Variants in GRM7 observed in about 807,000 individuals in gnomAD.
GRM7 encodes glutamate metabotropic receptor 7.
GRM7 carries 35 observed loss-of-function variants against 84.5 expected under a neutral mutation model. The observed-to-expected ratio is 0.41, with a 90% CI of 0.32 to 0.55. GRM7 has a LOEUF of 0.55. GRM7 is among the 20% of genes least tolerant of loss of function. The probability of loss-of-function intolerance (pLI) is 0.19; values close to 1 mark genes in which losing one functional copy is unlikely to be tolerated. For missense variants in GRM7, 1,003 were observed against 1,194.6 expected, an observed-to-expected ratio of 0.84 and a Z score of 2.36; for synonymous variants, 487 against 455.1, an observed-to-expected ratio of 1.07 and a Z score of -0.89.
At chr3:7,354,879 G>T (rs186805584) in intron 4 of GRM7, among the ~76,000 whole-genome samples, 1 of 152,284 alleles carries the variant, frequency 6.6e-6, no homozygotes, top group East Asian at 1.9e-4. Context: ...AACTGGCAAG[G>T]CCAGCAATAT....
At chr3:7,162,425 A>G (rs964982063) in intron 2 of GRM7, among the ~76,000 whole-genome samples, 2 of 152,138 alleles carry the variant, frequency 1.3e-5, no homozygotes, top group African/African-American at 4.8e-5. Context: ...TTAAAGAAGC[A>G]ATGAAGATGA....
At chr3:6,998,814 G>A (rs1694914536) in intron 1 of GRM7, among the ~76,000 whole-genome samples, 1 of 152,224 alleles carries the variant, frequency 6.6e-6, no homozygotes, top group South Asian at 2.1e-4. Flanking sequence ...CAGCTGGGAT[G>A]CAGGGCACCA....
intron 2 of GRM7, among the ~76,000 whole-genome samples, chr3:7,246,951 C>T (rs985710277): frequency 3.3e-5 from 5 of 152,016 alleles, no homozygotes; most frequent in African/African-American, 7.2e-5. Context: ...AGTATTACAT[C>T]GGCATAACGA....
At chr3:7,156,463 C>T (rs151075715) in intron 2 of GRM7, among the ~76,000 whole-genome samples, 5 of 152,242 alleles carry the variant, frequency 3.3e-5, no homozygotes, top group East Asian at 3.9e-4. Flanking sequence ...GGGTGGCAAC[C>T]GGATCAGTAA....
At chr3:7,172,538 G>C (rs1198011623) in intron 2 of GRM7, among the ~76,000 whole-genome samples, 1 of 145,840 alleles carries the variant, frequency 6.9e-6, no homozygotes, top group African/African-American at 2.7e-5. Flanking sequence ...ACCATATGTA[G>C]TCTTCCCCCC....
In GRM7 at chr3:7,224,115, G is replaced by A. The variant is rs549785201; in HGVS notation, c.737-74569G>A. 6.6e-5 allele frequency among the ~76,000 whole-genome samples: 10 copies of A among 152,218 alleles called. No homozygotes were observed. The East Asian group carries it at 1.7e-3, about 26-fold the overall frequency. ...TCTTATAAAGAAATACATGACATCTGGCTATTTAAAAAGAAAAAAGGTTTA... is the reference window on the plus strand; with the variant it reads ...TCTTATAAAGAAATACATGACATCTAGCTATTTAAAAAGAAAAAAGGTTTA... On this transcript the variant is annotated intron_variant, in intron 2 of 9. Transcript: ENST00000357716.
chr3:7,738,732 T>C, intron 9 of GRM7, among the ~76,000 whole-genome samples: 1 of 148,668 alleles, frequency 6.7e-6, no homozygotes, highest in African/African-American at 2.5e-5. Context: ...TCTTTTTTTT[T>C]TTTTTTCCCC....
At chr3:7,451,738 C>T (rs1697777536) in intron 5 of GRM7, 1 of 152,146 alleles carries the variant, frequency 6.6e-6, no homozygotes, top group Non-Finnish European at 1.5e-5. Context: ...ACATAAAAAT[C>T]CCACATCCAC....
chr3:7,485,329 C>T (rs1297302351), intron 7 of GRM7, among the ~76,000 whole-genome samples: 2 of 152,126 alleles, frequency 1.3e-5, no homozygotes, highest in East Asian at 3.9e-4. Context: ...AGAATTAGAG[C>T]TTATCAGTGA....
chr3:7,073,599 A>G (rs1383000634), intron 1 of GRM7, among the ~76,000 whole-genome samples: 1 of 146,506 alleles, frequency 6.8e-6, no homozygotes. Flanking sequence ...TATTTTAGAA[A>G]AAGAAACACT....
chr3:7,307,490 G>T (rs1041764704), intron 4 of GRM7, among the ~76,000 whole-genome samples: 6 of 152,088 alleles, frequency 3.9e-5, no homozygotes, highest in African/African-American at 7.2e-5. Flanking sequence ...TCAAATATTT[G>T]CATTTTCTAT....
chr3:7,048,309 A>T (rs2124950800), intron 1 of GRM7, among the ~76,000 whole-genome samples: 1 of 152,016 alleles, frequency 6.6e-6, no homozygotes, highest in East Asian at 1.9e-4. Flanking sequence ...AAATATTTAG[A>T]TTTTTTATTT....
chr3:7,513,529 T>G (rs754741286), intron 7 of GRM7, among the ~76,000 whole-genome samples: 1 of 152,128 alleles, frequency 6.6e-6, no homozygotes, highest in Non-Finnish European at 1.5e-5. Flanking sequence ...AGGAATAAGA[T>G]CTAGTGTTTG....
intron 7 of GRM7, among the ~76,000 whole-genome samples, chr3:7,482,987 ACTC>A (rs1699189886): frequency 6.6e-6 from 1 of 152,168 alleles, no homozygotes; most frequent in South Asian, 2.1e-4. Context: ...CTTGTTCAAT[ACTC>A]CTAACAATTT....
At position 7,179,694 on chromosome 3, in the gene GRM7, T is replaced by C. The variant is rs140019747; in HGVS notation, c.736+33026T>C. Among the ~76,000 whole-genome samples the C allele has an allele frequency of 2.8e-4, 42 of 152,332 alleles. No homozygotes were observed. In the East Asian group the frequency reaches 6.8e-3, roughly 25 times the overall value. On this transcript the variant is annotated intron_variant, in intron 2 of 9. Coordinates refer to ENST00000357716, the MANE Select transcript of GRM7 (RefSeq NM_000844.4). ...CTCCTACTTGATTCATTCAGCTTGT[T>C]GATGTGGGAGTTGTAATATATATAG...
At chr3:7,444,648 C>G (rs2124877579) in intron 5 of GRM7, among the ~76,000 whole-genome samples, 1 of 152,178 alleles carries the variant, frequency 6.6e-6, no homozygotes, top group Admixed American at 6.6e-5. Flanking sequence ...TGAAACATTC[C>G]TCCTTTCAAC....
At chr3:7,235,624 C>T (rs973533297) in intron 2 of GRM7, among the ~76,000 whole-genome samples, 1 of 152,156 alleles carries the variant, frequency 6.6e-6, no homozygotes, top group Non-Finnish European at 1.5e-5. Context: ...ATCCATCATA[C>T]ATTTATATCT....
chr3:7,305,264 C>A (rs1700147835), intron 3 of GRM7, among the ~76,000 whole-genome samples: 1 of 151,800 alleles, frequency 6.6e-6, no homozygotes, highest in Non-Finnish European at 1.5e-5. Flanking sequence ...TTTTTTGTTA[C>A]CATCTCTTAT....
At chr3:7,345,468 A>G (rs1207055570) in intron 4 of GRM7, among the ~76,000 whole-genome samples, 1 of 151,584 alleles carries the variant, frequency 6.6e-6, no homozygotes, top group Non-Finnish European at 1.5e-5. Context: ...ATTTTTAGTA[A>G]CGACGGGGTT....
Sources: gnomAD v4.1 joint callset for allele counts (sites outside exome capture counted in the v4.1 genomes callset) on GRCh38, gnomAD v4.1.1 for gene constraint, MANE v1.5 for transcripts, NCBI Gene and HGNC (gene_info 2026-07-23, HGNC 2026-07-21) for gene names.